SDK1: variants seen among roughly 807,000 people sequenced by gnomAD.
The protein encoded by SDK1 is protein sidekick-1.
In SDK1, 157 loss-of-function variants were observed where a neutral mutation model predicts 245.5. The observed-to-expected ratio is 0.64, with a 90% confidence interval of 0.56 to 0.73. The LOEUF (loss-of-function observed/expected upper bound fraction) is 0.73, where lower values mean the gene tolerates loss of function less well. Among genes scored for constraint, SDK1 ranks in the 30% least tolerant of loss-of-function variants. The pLI is 0.00. For synonymous variants in SDK1, 1,647 were observed against 1,278.5 expected (o/e 1.29, Z -6.15); for missense variants, 3,583 against 3,002.3 (o/e 1.19, Z -4.52).
At chr7:4,131,900 C>T (rs1251779587) in intron 27 of SDK1, among the ~76,000 whole-genome samples, 4 of 152,060 alleles carry the variant, frequency 2.6e-5, no homozygotes, top group East Asian at 1.9e-4. Context: ...AACTTCAGGC[C>T]GCCTCATCTA....
chr7:4,041,762 A>C lies in SDK1; in HGVS notation c.2603-7586A>C, dbSNP rs1788655906. Among the ~76,000 whole-genome samples, 2 of 136,638 alleles carry C rather than the reference A, an allele frequency of 1.5e-5. 1 individual carries two copies. The highest frequency in any genetic ancestry group is 6.7e-5 in the African/African-American group (2 of 29,790). 89.6% of individuals were successfully genotyped at this position (136,638 alleles called of 152,430 possible). Reference sequence around the variant, plus strand: ...ATGTTTAATGCATGCGTGTCGTGAAAACACAGCATATATATAGTGAAAACA... The same window carrying C: ...ATGTTTAATGCATGCGTGTCGTGAACACACAGCATATATATAGTGAAAACA... On this transcript the variant is annotated intron_variant, in intron 17 of 44. Coordinates refer to ENST00000404826, the MANE Select transcript of SDK1 (RefSeq NM_152744.4).
chr7:3,881,763 C>T (rs1781214121), intron 5 of SDK1, among the ~76,000 whole-genome samples: 1 of 152,212 alleles, frequency 6.6e-6, no homozygotes, highest in South Asian at 2.1e-4. Context: ...TGAGCCCTCA[C>T]ACCAGAATGG....
At chr7:4,025,709 A>G (rs1213547101) in intron 17 of SDK1, among the ~76,000 whole-genome samples, 1 of 152,188 alleles carries the variant, frequency 6.6e-6, no homozygotes, top group Non-Finnish European at 1.5e-5. Context: ...TAGATGTCTG[A>G]TTGAAAACAC....
At chr7:3,344,684 C>T (rs987121875) in intron 1 of SDK1, among the ~76,000 whole-genome samples, 1 of 152,088 alleles carries the variant, frequency 6.6e-6, no homozygotes, top group Non-Finnish European at 1.5e-5. Flanking sequence ...CTGGACTGGA[C>T]GTAATGGCAT....
chr7:4,090,622 C>T (rs1002363105), intron 22 of SDK1, among the ~76,000 whole-genome samples: 6 of 152,282 alleles, frequency 3.9e-5, no homozygotes, highest in Admixed American at 6.5e-5. Flanking sequence ...TATCTTCTGG[C>T]ACAAGATGTT....
chr7:4,265,073 C>T (rs776790589), intron 44 of SDK1, 51 bp from the exon 45 acceptor site: 2 of 1,510,300 alleles, frequency 1.3e-6, no homozygotes, highest in African/African-American at 1.4e-5. Flanking sequence ...CAGCACGCTC[C>T]GGGCCCTGCG....
intron 25 of SDK1, among the ~76,000 whole-genome samples, chr7:4,118,243 CCCAGT>C (rs1783842207): frequency 6.6e-6 from 1 of 152,052 alleles, no homozygotes; most frequent in Non-Finnish European, 1.5e-5. Context: ...AGACAAATGA[CCCAGT>C]TAAAAACTGG....
intron 4 of SDK1, among the ~76,000 whole-genome samples, chr7:3,781,977 A>G: frequency 6.6e-6 from 1 of 152,228 alleles, no homozygotes; most frequent in East Asian, 1.9e-4. Flanking sequence ...CAGAGAGAAA[A>G]AAGCACCAGA....
chr7:3,757,454 C>G lies in SDK1; in HGVS notation c.714-63996C>G, dbSNP rs139050887. Among the ~76,000 whole-genome samples the G allele has an allele frequency of 9.0e-3, 1,371 of 152,132 alleles. 24 individuals carry two copies. Among genetic ancestry groups the G allele is most frequent in the African/African-American group, 0.03 (1,265 of 41,484 alleles). Reference sequence around the variant, plus strand: ...GTCTCACTGTGTTGCCTAGGCTGGTCTCAAACTCCTGGCCTCAAGCAGTCC... The same window carrying G: ...GTCTCACTGTGTTGCCTAGGCTGGTGTCAAACTCCTGGCCTCAAGCAGTCC... On this transcript the variant is annotated intron_variant, in intron 4 of 44. Coordinates refer to ENST00000404826, the MANE Select transcript of SDK1 (RefSeq NM_152744.4).
chr7:4,116,706 G>C (rs1783734099), intron 25 of SDK1, among the ~76,000 whole-genome samples: 1 of 152,238 alleles, frequency 6.6e-6, no homozygotes, highest in Non-Finnish European at 1.5e-5. Context: ...GGAGGTGAGG[G>C]TAGACAGGAG....
chr7:3,383,732 A>G (rs1781545162), intron 1 of SDK1, among the ~76,000 whole-genome samples: 1 of 152,248 alleles, frequency 6.6e-6, no homozygotes. Context: ...TAGCCCTAAA[A>G]GGTTAATGAT....
At chr7:3,303,404 A>C (rs955849689) in intron 1 of SDK1, among the ~76,000 whole-genome samples, 2 of 152,190 alleles carry the variant, frequency 1.3e-5, no homozygotes, top group African/African-American at 4.8e-5. Context: ...TGGTGCACAG[A>C]CTGAAATGGT....
chr7:3,395,155 A>G (rs1781862647), intron 1 of SDK1, among the ~76,000 whole-genome samples: 1 of 151,958 alleles, frequency 6.6e-6, no homozygotes, highest in Admixed American at 6.6e-5. Context: ...ACCAGGTTCT[A>G]TTCTAAGGTT....
chr7:3,580,593 G>A (rs1780446881), intron 1 of SDK1, among the ~76,000 whole-genome samples: 1 of 152,134 alleles, frequency 6.6e-6, no homozygotes, highest in African/African-American at 2.4e-5. Context: ...CTAGGCATAT[G>A]CAGGGGATTT....
chr7:3,377,343 G>A (rs1300183821), intron 1 of SDK1, among the ~76,000 whole-genome samples: 3 of 152,126 alleles, frequency 2.0e-5, no homozygotes, highest in African/African-American at 7.2e-5. Context: ...TAATACTGCA[G>A]CTGCCGCAGG....
At chr7:4,145,440 G>A (rs1779896718) in intron 28 of SDK1, among the ~76,000 whole-genome samples, 1 of 152,174 alleles carries the variant, frequency 6.6e-6, no homozygotes. Flanking sequence ...GGTCCCTGTG[G>A]CATGCTCGCC....
chr7:3,968,653 C>T (rs1284174819), intron 10 of SDK1, among the ~76,000 whole-genome samples: 1 of 152,214 alleles, frequency 6.6e-6, no homozygotes, highest in East Asian at 1.9e-4. Context: ...ACATAGCAAT[C>T]ACGTTCATGG....
At chr7:4,137,142 G>A (rs1779147240) in intron 28 of SDK1, among the ~76,000 whole-genome samples, 1 of 152,206 alleles carries the variant, frequency 6.6e-6, no homozygotes, top group Non-Finnish European at 1.5e-5. Context: ...TTAAAGGTTT[G>A]CAACTAGCTG....
chr7:4,159,917 G>A (rs1333592218), intron 31 of SDK1, among the ~76,000 whole-genome samples: 1 of 152,194 alleles, frequency 6.6e-6, no homozygotes, highest in Non-Finnish European at 1.5e-5. Flanking sequence ...CGTTGTAGGA[G>A]GACTGATGAG....
Sources: gnomAD v4.1 joint callset for allele counts (sites outside exome capture counted in the v4.1 genomes callset) on GRCh38, gnomAD v4.1.1 for gene constraint, MANE v1.5 for transcripts, NCBI Gene and HGNC (gene_info 2026-07-23, HGNC 2026-07-21) for gene names.